The following SMYD3 variants were observed in gnomAD, a reference collection of about 807,000 sequenced individuals.
The protein encoded by SMYD3 is SET and MYND domain containing 3.
SMYD3 carries 36 observed loss-of-function variants against 57.7 expected under a neutral mutation model. That is an observed-to-expected ratio of 0.62 (90% CI 0.48 to 0.82). The LOEUF is 0.82. SMYD3 is among the 40% of genes least tolerant of loss of function. SMYD3 has a pLI of 0.00. For missense variants in SMYD3, 515 were observed against 538.8 expected, an observed-to-expected ratio of 0.96 and a Z score of 0.44; for synonymous variants, 211 against 195.0, an observed-to-expected ratio of 1.08 and a Z score of -0.68.
chr1:246,047,100 A>G (rs1246374503), intron 5 of SMYD3, among the ~76,000 whole-genome samples: 4 of 152,230 alleles, frequency 2.6e-5, no homozygotes, highest in Non-Finnish European at 2.9e-5. Context: ...TTAATTCCAT[A>G]TATTCCAATT....
chr1:246,088,186 G>C (rs1272110968), intron 5 of SMYD3, among the ~76,000 whole-genome samples: 1 of 151,874 alleles, frequency 6.6e-6, no homozygotes, highest in African/African-American at 2.4e-5. Context: ...GTCACGGAAA[G>C]GTAACCCAGG....
chr1:246,320,956 T>A (rs1432032267), intron 5 of SMYD3, among the ~76,000 whole-genome samples: 1 of 152,254 alleles, frequency 6.6e-6, no homozygotes, highest in Non-Finnish European at 1.5e-5. Flanking sequence ...ATTTCCATCA[T>A]CAAGGGAAGC....
chr1:246,341,361 G>A (rs2065630950), intron 2 of SMYD3, among the ~76,000 whole-genome samples: 1 of 152,130 alleles, frequency 6.6e-6, no homozygotes, highest in Non-Finnish European at 1.5e-5. Flanking sequence ...TAATGCTGAT[G>A]CAATCTTTTT....
chr1:246,113,550 G>A (rs912257539), intron 5 of SMYD3: 11 of 152,184 alleles, frequency 7.2e-5, no homozygotes, highest in African/African-American at 2.4e-4. Context: ...AAAAGGCATC[G>A]GTATAGTGCT....
intron 8 of SMYD3, among the ~76,000 whole-genome samples, chr1:245,877,549 A>G (rs1200826343): frequency 6.6e-6 from 1 of 152,244 alleles, no homozygotes; most frequent in East Asian, 1.9e-4. Flanking sequence ...GAATCTGAAT[A>G]AGGCCGTGCC....
intron 5 of SMYD3, among the ~76,000 whole-genome samples, chr1:246,161,870 G>C (rs552587632): frequency 6.6e-6 from 1 of 152,114 alleles, no homozygotes; most frequent in East Asian, 1.9e-4. Context: ...CCAATAGCAG[G>C]CTTCAAGCCA....
At chr1:246,502,135 CTT>C (rs56336266) in intron 1 of SMYD3, among the ~76,000 whole-genome samples, 1 of 145,912 alleles carries the variant, frequency 6.9e-6, no homozygotes, top group Non-Finnish European at 1.5e-5. Context: ...ATGCAGCTGC[CTT>C]TTTTTTTTTC....
At chr1:246,408,982 T>C (rs961814250) in intron 1 of SMYD3, among the ~76,000 whole-genome samples, 3 of 151,964 alleles carry the variant, frequency 2.0e-5, no homozygotes, top group Non-Finnish European at 4.4e-5. Context: ...GTCTTTAAAG[T>C]ATAAAACCTT....
intron 5 of SMYD3, among the ~76,000 whole-genome samples, chr1:246,127,071 G>A (rs2061520951): frequency 6.6e-6 from 1 of 152,168 alleles, no homozygotes. Flanking sequence ...TATCTACACA[G>A]GAAGGTAAAG....
chr1:246,199,830 G>A (rs188554268), intron 5 of SMYD3, among the ~76,000 whole-genome samples: 2 of 152,386 alleles, frequency 1.3e-5, no homozygotes, highest in East Asian at 1.9e-4. Context: ...TAACAGAGAA[G>A]ATGGAGAACA....
At position 246,393,193 on chromosome 1, in the gene SMYD3, T is replaced by TA. The variant is rs200319653; in HGVS notation, c.165-38100dup. On this transcript the variant is annotated intron_variant, in intron 1 of 11. Transcript: ENST00000490107. ...TGGCTAAACAACTCTGAGACTATGT[T>TA]AAAAAAAATACACAGAACTATACAA... Among the ~76,000 whole-genome samples the TA allele has an allele frequency of 1.0e-3, 152 of 152,064 alleles. 2 individuals carry two copies. The East Asian group carries it at 0.021, about 21-fold the overall frequency.
At chr1:246,330,642 A>G in intron 3 of SMYD3, 105 bp from the exon 4 acceptor site, 1 of 908,686 alleles carries the variant, frequency 1.1e-6, no homozygotes, top group Admixed American at 3.1e-5. Flanking sequence ...TCCATCAAAA[A>G]GAACATTTTC....
chr1:246,050,151 G>A (rs10802324), intron 5 of SMYD3, among the ~76,000 whole-genome samples: 57,767 of 151,706 alleles, frequency 0.38, 13,837 homozygotes, highest in African/African-American at 0.66. Context: ...TTCCATATAG[G>A]CCTTAATTAG....
At chr1:246,001,480 G>A (rs1041713463) in intron 5 of SMYD3, among the ~76,000 whole-genome samples, 7 of 152,092 alleles carry the variant, frequency 4.6e-5, no homozygotes, top group African/African-American at 1.7e-4. Flanking sequence ...GGAAACCATG[G>A]GGTATGTGGC....
intron 5 of SMYD3, among the ~76,000 whole-genome samples, chr1:246,063,920 G>A (rs1376550404): frequency 1.3e-5 from 2 of 152,158 alleles, no homozygotes; most frequent in African/African-American, 4.8e-5. Context: ...GATTAGAGGC[G>A]TAAGCCACCA....
intron 2 of SMYD3, among the ~76,000 whole-genome samples, chr1:246,346,050 C>A (rs1228945916): frequency 6.6e-6 from 1 of 152,022 alleles, no homozygotes; most frequent in Non-Finnish European, 1.5e-5. Flanking sequence ...TGTGGGAGGC[C>A]AAGGGGGGTG....
chr1:245,808,344 C>T (rs1339871303), intron 10 of SMYD3, among the ~76,000 whole-genome samples: 3 of 152,198 alleles, frequency 2.0e-5, no homozygotes, highest in African/African-American at 4.8e-5. Context: ...TATACACATA[C>T]TCTTCCACAT....
chr1:246,503,684 C>T (rs1002968684), intron 1 of SMYD3, among the ~76,000 whole-genome samples: 1 of 152,064 alleles, frequency 6.6e-6, no homozygotes, highest in Non-Finnish European at 1.5e-5. Context: ...GATTTCAGGC[C>T]GGGGACAGCG....
At chr1:246,395,910 C>T (rs1156996617) in intron 1 of SMYD3, among the ~76,000 whole-genome samples, 1 of 152,216 alleles carries the variant, frequency 6.6e-6, no homozygotes, top group African/African-American at 2.4e-5. Flanking sequence ...AAGAAAATCA[C>T]ATGGCAAGAG....
Sources: allele counts gnomAD v4.1 joint callset (sites outside exome capture counted in the v4.1 genomes callset), GRCh38; gene constraint gnomAD v4.1.1; transcripts MANE v1.5; gene names NCBI Gene and HGNC (gene_info 2026-07-23, HGNC 2026-07-21).